Variants in AFF3 observed in about 807,000 individuals in gnomAD.
AFF3 encodes AF4/FMR2 family member 3.
A neutral mutation model predicts 129.7 loss-of-function variants in AFF3; 32 were observed. The ratio of observed to expected loss-of-function variants is 0.25; its 90% CI spans 0.19 to 0.33. The LOEUF (loss-of-function observed/expected upper bound fraction) is 0.33, where lower values mean the gene tolerates loss of function less well. AFF3 is among the 10% of genes least tolerant of loss of function. The pLI, the probability that AFF3 is intolerant of heterozygous loss-of-function variation, is 1.00. For missense variants in AFF3, 1,373 were observed against 1,592.0 expected, an observed-to-expected ratio of 0.86 and a Z score of 2.34; for synonymous variants, 644 against 635.4, an observed-to-expected ratio of 1.01 and a Z score of -0.20.
chr2:99,803,555 T>A (rs531923161), intron 8 of AFF3, among the ~76,000 whole-genome samples: 8 of 152,136 alleles, frequency 5.3e-5, no homozygotes, highest in South Asian at 4.1e-4. Context: ...AATACCAACA[T>A]CATTTTCACA....
intron 7 of AFF3, among the ~76,000 whole-genome samples, chr2:99,980,242 C>G (rs983108203): frequency 2.0e-5 from 3 of 152,178 alleles, no homozygotes; most frequent in Non-Finnish European, 4.4e-5. Flanking sequence ...CTCTTTTCAG[C>G]CTCAAAGGCT....
chr2:99,857,399 T>C (rs1341134404), intron 7 of AFF3, among the ~76,000 whole-genome samples: 2 of 152,252 alleles, frequency 1.3e-5, no homozygotes, highest in Non-Finnish European at 2.9e-5. Context: ...TGATTCTGTA[T>C]GATTTAGTTT....
intron 7 of AFF3, among the ~76,000 whole-genome samples, chr2:99,901,908 C>T (rs1160386647): frequency 1.3e-5 from 2 of 151,470 alleles, no homozygotes; most frequent in Non-Finnish European, 3.0e-5. Context: ...ATGACCGGTC[C>T]CACAGTCATC....
At chr2:99,700,528 T>C (rs17022920) in intron 11 of AFF3, among the ~76,000 whole-genome samples, 15,070 of 152,304 alleles carry the variant, frequency 0.099, 812 homozygotes, top group African/African-American at 0.14. Flanking sequence ...AAGATAAAAA[T>C]GGCAGGAAGA....
At chr2:99,864,325 A>G (rs1416668470) in intron 7 of AFF3, among the ~76,000 whole-genome samples, 4 of 152,194 alleles carry the variant, frequency 2.6e-5, no homozygotes, top group Non-Finnish European at 5.9e-5. Flanking sequence ...AAAAGTCCCT[A>G]CATGTACCAC....
Position 99,658,917 on chromosome 2 carries a change from G to A in AFF3, c.1144-9251C>T, listed in dbSNP as rs181428011. ...CTTTATCTGGGGATGCCAGTGAAGG[G>A]GAATAATAGGAGTCACCTCTTAGAC... On this transcript the variant is annotated intron_variant, in intron 12 of 24. Transcript: ENST00000672756. Among the ~76,000 whole-genome samples, 166 of 152,302 alleles carry A rather than the reference G, an allele frequency of 1.1e-3. 1 individual carries two copies. The highest frequency in any genetic ancestry group is 3.8e-3 in the African/African-American group (158 of 41,550).
At chr2:100,016,629 G>GTAA (rs1683121689) in intron 4 of AFF3, among the ~76,000 whole-genome samples, 1 of 148,214 alleles carries the variant, frequency 6.7e-6, no homozygotes, top group African/African-American at 2.6e-5. Flanking sequence ...GATGGTGGTG[G>GTAA]TGGTGATGGT....
In AFF3 at chr2:99,554,536, T is replaced by C. The variant is rs557316019; in HGVS notation, c.3336-2A>G. On this transcript the variant is annotated splice_acceptor_variant, in intron 23 of 24. Coordinates refer to ENST00000672756, the MANE Select transcript of AFF3 (RefSeq NM_001386135.1). LOFTEE classifies it high-confidence loss of function. The stretch of plus-strand genomic sequence containing the variant: ...ATGGGGGATGGGGTTCCAGTGCTCC[T>C]GGAAGGGGAGAGGTAGAAAAACCAG... The C allele has an allele frequency of 1.4e-5, 22 of 1,611,672 alleles. No individual in the cohort carries two copies. The highest frequency in any genetic ancestry group is 1.3e-4 in the South Asian group (12 of 90,934).
chr2:99,784,623 C>G (rs902827138), intron 8 of AFF3, among the ~76,000 whole-genome samples: 2 of 152,212 alleles, frequency 1.3e-5, no homozygotes, highest in African/African-American at 4.8e-5. Flanking sequence ...CATTCTGTTT[C>G]TCAACTTTAA....
intron 11 of AFF3, among the ~76,000 whole-genome samples, chr2:99,690,785 T>TC (rs1007250940): frequency 4.0e-5 from 6 of 151,668 alleles, no homozygotes; most frequent in Non-Finnish European, 5.9e-5. Flanking sequence ...GAATTTTTTT[T>TC]TTTTCAAAAA....
chr2:99,955,382 T>C (rs956166450), intron 7 of AFF3, among the ~76,000 whole-genome samples: 1 of 152,332 alleles, frequency 6.6e-6, no homozygotes, highest in Middle Eastern at 3.4e-3. Flanking sequence ...GTTTCTTCTG[T>C]GACGCTTTAC....
At chr2:100,138,901 T>C (rs1219352592) in intron 1 of AFF3, among the ~76,000 whole-genome samples, 1 of 138,616 alleles carries the variant, frequency 7.2e-6, no homozygotes, top group Non-Finnish European at 1.5e-5. Flanking sequence ...GCCGAAATCA[T>C]GGCACTGCTC....
chr2:99,726,750 C>T (rs1435368834), intron 11 of AFF3, among the ~76,000 whole-genome samples: 1 of 152,216 alleles, frequency 6.6e-6, no homozygotes, highest in Non-Finnish European at 1.5e-5. Flanking sequence ...GGACAGCATA[C>T]CTCCCAGTTT....
intron 15 of AFF3, among the ~76,000 whole-genome samples, chr2:99,590,533 A>C (rs1021754317): frequency 6.6e-6 from 1 of 152,182 alleles, no homozygotes; most frequent in Non-Finnish European, 1.5e-5. Flanking sequence ...TGCAGGAGGG[A>C]AACGGTAAAG....
intron 4 of AFF3, among the ~76,000 whole-genome samples, chr2:100,016,605 GTGGTGGTAATGGTGA>G (rs1399812694): frequency 0.01 from 1,529 of 147,530 alleles, 40 homozygotes; most frequent in African/African-American, 0.037. Context: ...GGTGGTGGTA[GTGGTGGTAATGGTGA>G]TGGTGGTGGT....
chr2:99,843,422 T>C (rs1576163478), intron 7 of AFF3, among the ~76,000 whole-genome samples: 1 of 152,214 alleles, frequency 6.6e-6, no homozygotes, highest in Non-Finnish European at 1.5e-5. Context: ...TATATGTAGA[T>C]GAGGAAAATG....
chr2:100,043,646 T>A (rs561809898), intron 4 of AFF3, among the ~76,000 whole-genome samples: 3 of 152,372 alleles, frequency 2.0e-5, no homozygotes, highest in Non-Finnish European at 2.9e-5. Context: ...AAACTTTTTT[T>A]AACCAATACA....
chr2:99,632,446 C>T (rs117963940), intron 13 of AFF3, among the ~76,000 whole-genome samples: 3 of 152,040 alleles, frequency 2.0e-5, no homozygotes, highest in Non-Finnish European at 2.9e-5. Context: ...GAAGGAGGCA[C>T]CACCTGTAAT....
chr2:99,989,013 T>A (rs1418321276), intron 7 of AFF3, among the ~76,000 whole-genome samples: 4 of 152,102 alleles, frequency 2.6e-5, no homozygotes, highest in African/African-American at 9.7e-5. Flanking sequence ...TAAAAGGAAT[T>A]CACAACGGAT....
Sources: gnomAD v4.1 joint callset for allele counts (sites outside exome capture counted in the v4.1 genomes callset) on GRCh38, gnomAD v4.1.1 for gene constraint, MANE v1.5 for transcripts, NCBI Gene and HGNC (gene_info 2026-07-23, HGNC 2026-07-21) for gene names.